Variants in SGCZ observed in about 807,000 individuals in gnomAD.
SGCZ encodes zeta-sarcoglycan.
In SGCZ, 40 loss-of-function variants were observed where a neutral mutation model predicts 41.3. The ratio of observed to expected loss-of-function variants is 0.97; its 90% confidence interval spans 0.75 to 1.26. The LOEUF (loss-of-function observed/expected upper bound fraction) is 1.26, where lower values mean the gene tolerates loss of function less well. Among genes scored for constraint, SGCZ ranks in the 50% most tolerant of loss-of-function variants. The pLI is 0.00. For synonymous variants in SGCZ, 206 were observed against 137.5 expected, an observed-to-expected ratio of 1.50 and a Z score of -3.49; for missense variants, 552 against 369.8, an observed-to-expected ratio of 1.49 and a Z score of -4.04.
chr8:15,044,411 G>A (rs1421209878), intron 1 of SGCZ, among the ~76,000 whole-genome samples: 1 of 152,258 alleles, frequency 6.6e-6, no homozygotes, highest in African/African-American at 2.4e-5. Context: ...CATCCTGTAT[G>A]CAGTTTTCTG....
chr8:14,596,276 T>A (rs149999214), intron 1 of SGCZ, among the ~76,000 whole-genome samples: 5 of 152,228 alleles, frequency 3.3e-5, no homozygotes, highest in African/African-American at 1.2e-4. Flanking sequence ...TAGAAGGTTG[T>A]GCACTAACTG....
intron 1 of SGCZ, among the ~76,000 whole-genome samples, chr8:14,584,307 G>C (rs1016686929): frequency 6.6e-6 from 1 of 152,094 alleles, no homozygotes; most frequent in African/African-American, 2.4e-5. Context: ...ATGAAAGCTG[G>C]AATTTGCAAA....
intron 1 of SGCZ, among the ~76,000 whole-genome samples, chr8:15,235,731 G>A (rs1182111645): frequency 1.3e-5 from 2 of 151,748 alleles, no homozygotes; most frequent in Admixed American, 6.6e-5. Flanking sequence ...AGGGATTTCA[G>A]GGGAAAGAAT....
intron 4 of SGCZ, among the ~76,000 whole-genome samples, chr8:14,200,530 G>T (rs564844723): frequency 1.3e-5 from 2 of 152,264 alleles, no homozygotes; most frequent in East Asian, 3.9e-4. Context: ...AAGGTAGAGA[G>T]CCCAGTATGA....
chr8:14,986,728 C>G (rs1438859444), intron 1 of SGCZ, among the ~76,000 whole-genome samples: 3 of 151,980 alleles, frequency 2.0e-5, no homozygotes, highest in African/African-American at 7.2e-5. Context: ...GATTATCTCT[C>G]CTGACCTGGT....
intron 1 of SGCZ, among the ~76,000 whole-genome samples, chr8:14,986,821 A>G (rs982950162): frequency 5.3e-5 from 8 of 151,962 alleles, no homozygotes; most frequent in African/African-American, 1.9e-4. Context: ...TTTGTTATCT[A>G]TTTGAGTTTT....
At chr8:14,673,491 C>G (rs1221632418) in intron 1 of SGCZ, among the ~76,000 whole-genome samples, 2 of 152,020 alleles carry the variant, frequency 1.3e-5, no homozygotes, top group East Asian at 1.9e-4. Flanking sequence ...CTGCCATCTT[C>G]TGAAGTAGGT....
chr8:15,230,617 G>C (rs1801911453), intron 1 of SGCZ, among the ~76,000 whole-genome samples: 1 of 152,090 alleles, frequency 6.6e-6, no homozygotes, highest in Non-Finnish European at 1.5e-5. Context: ...CGTCATTTTT[G>C]AGCCATAGAC....
chr8:14,094,741 C>T (rs1277607623), intron 7 of SGCZ, among the ~76,000 whole-genome samples: 2 of 152,118 alleles, frequency 1.3e-5, no homozygotes, highest in African/African-American at 4.8e-5. Flanking sequence ...AACTAATTTA[C>T]ACTCCCACCA....
intron 5 of SGCZ, 103 bp from the exon 6 acceptor site, chr8:14,108,338 A>G: frequency 1.0e-6 from 1 of 985,806 alleles, no homozygotes; most frequent in Non-Finnish European, 1.6e-6. Flanking sequence ...GAGAAAACTT[A>G]AAACAGGTAC....
At chr8:14,389,452 G>T (rs952406883) in intron 2 of SGCZ, among the ~76,000 whole-genome samples, 1 of 140,838 alleles carries the variant, frequency 7.1e-6, no homozygotes, top group African/African-American at 2.7e-5. Context: ...AAGACAAAGA[G>T]AAAATCACAA....
At chr8:15,000,380 G>C (rs1802373600) in intron 1 of SGCZ, among the ~76,000 whole-genome samples, 1 of 152,152 alleles carries the variant, frequency 6.6e-6, no homozygotes, top group Non-Finnish European at 1.5e-5. Context: ...AGTGATATAG[G>C]AGTTAAAAAG....
chr8:14,729,554 G>C (rs1375334009), intron 1 of SGCZ, among the ~76,000 whole-genome samples: 1 of 152,186 alleles, frequency 6.6e-6, no homozygotes, highest in African/African-American at 2.4e-5. Flanking sequence ...TGAGGACACA[G>C]TGAGAATACA....
intron 2 of SGCZ, among the ~76,000 whole-genome samples, chr8:14,401,503 G>C (rs929943752): frequency 1.4e-5 from 2 of 139,514 alleles, no homozygotes; most frequent in African/African-American, 5.5e-5. Flanking sequence ...TGATCTCATT[G>C]TTCAGTTCCC....
chr8:14,416,015 C>T (rs1188779264), intron 2 of SGCZ, among the ~76,000 whole-genome samples: 1 of 151,740 alleles, frequency 6.6e-6, no homozygotes, highest in Non-Finnish European at 1.5e-5. Context: ...AATTTATCAC[C>T]AGAAATAGCC....
At chr8:14,754,429 C>T (rs1191752714) in intron 1 of SGCZ, among the ~76,000 whole-genome samples, 2 of 152,052 alleles carry the variant, frequency 1.3e-5, no homozygotes, top group Non-Finnish European at 2.9e-5. Flanking sequence ...TGTATGTGGA[C>T]ATATGTATAT....
chr8:14,795,561 G>A (rs1201729467), intron 1 of SGCZ, among the ~76,000 whole-genome samples: 1 of 152,064 alleles, frequency 6.6e-6, no homozygotes, highest in Admixed American at 6.6e-5. Context: ...TTCCACCTCA[G>A]CCTCCCATGT....
chr8:14,476,971 G>T (rs1801380177), intron 2 of SGCZ, among the ~76,000 whole-genome samples: 1 of 152,044 alleles, frequency 6.6e-6, no homozygotes, highest in African/African-American at 2.4e-5. Context: ...AACCATACTT[G>T]CTATCCACAC....
At chr8:14,894,763 C>CA (rs139513381) in intron 1 of SGCZ, among the ~76,000 whole-genome samples, 15,656 of 151,542 alleles carry the variant, frequency 0.1, 1,026 homozygotes, top group Non-Finnish European at 0.15. Flanking sequence ...TTATAAACTA[C>CA]AAAAAAAAGT....
Sources: allele counts gnomAD v4.1 joint callset (sites outside exome capture counted in the v4.1 genomes callset), GRCh38; gene constraint gnomAD v4.1.1; transcripts MANE v1.5; gene names NCBI Gene and HGNC (gene_info 2026-07-23, HGNC 2026-07-21).